The following STIM2 variants were observed in gnomAD, a reference collection of about 807,000 sequenced individuals.
STIM2 encodes the protein stromal interaction molecule 2.
A neutral mutation model predicts 85.8 loss-of-function variants in STIM2; 31 were observed. The ratio of observed to expected loss-of-function variants is 0.36; its 90% CI spans 0.27 to 0.49. The LOEUF is 0.49. Among genes scored for constraint, STIM2 ranks in the 20% least tolerant of loss-of-function variants. The pLI is 0.98. For missense variants in STIM2, 841 were observed against 927.6 expected (o/e 0.91, Z 1.21); for synonymous variants, 356 against 331.1 (o/e 1.08, Z -0.82).
intron 1 of STIM2, among the ~76,000 whole-genome samples, chr4:26,884,864 G>T (rs1347173745): frequency 6.6e-6 from 1 of 152,158 alleles, no homozygotes; most frequent in Non-Finnish European, 1.5e-5. Context: ...GGTTAAACAC[G>T]AGTTCACAGA....
At chr4:26,931,047 A>G (rs73116668) in intron 2 of STIM2, among the ~76,000 whole-genome samples, 2,581 of 152,096 alleles carry the variant, frequency 0.017, 71 homozygotes, top group African/African-American at 0.059. Flanking sequence ...ACCTACTCAT[A>G]TAGCTGTTAG....
chr4:27,004,675 C>T (rs909471742), intron 7 of STIM2, among the ~76,000 whole-genome samples: 1 of 152,074 alleles, frequency 6.6e-6, no homozygotes, highest in African/African-American at 2.4e-5. Flanking sequence ...GGGAGAGAGA[C>T]CATGCACACC....
intron 2 of STIM2, among the ~76,000 whole-genome samples, chr4:26,933,058 A>C (rs377102748): frequency 1.5e-4 from 23 of 152,268 alleles, no homozygotes; most frequent in African/African-American, 5.5e-4. Context: ...ACAGTGGAAA[A>C]CATAAAAGAG....
At chr4:26,889,001 A>C (rs1723362931) in intron 1 of STIM2, among the ~76,000 whole-genome samples, 1 of 152,134 alleles carries the variant, frequency 6.6e-6, no homozygotes, top group Non-Finnish European at 1.5e-5. Flanking sequence ...GGTTCAGTGG[A>C]ATCATTCTAT....
intron 1 of STIM2, among the ~76,000 whole-genome samples, chr4:26,911,471 A>G (rs770896614): frequency 6.6e-6 from 1 of 152,144 alleles, no homozygotes; most frequent in Admixed American, 6.6e-5. Flanking sequence ...AGGAGTTTTC[A>G]CCAAAGGTCC....
chr4:27,000,780 C>G (rs1161689832), intron 5 of STIM2, among the ~76,000 whole-genome samples: 1 of 151,322 alleles, frequency 6.6e-6, no homozygotes, highest in Non-Finnish European at 1.5e-5. Context: ...TTTTAAAAAC[C>G]AGCATTGTCA....
intron 1 of STIM2, among the ~76,000 whole-genome samples, chr4:26,905,294 T>C (rs1361980234): frequency 2.6e-5 from 4 of 152,122 alleles, no homozygotes; most frequent in Non-Finnish European, 5.9e-5. Flanking sequence ...GGTTATGGCT[T>C]TGCTAGCCAA....
intron 3 of STIM2, among the ~76,000 whole-genome samples, chr4:26,992,346 C>T (rs1727797223): frequency 6.6e-6 from 1 of 151,928 alleles, no homozygotes; most frequent in Non-Finnish European, 1.5e-5. Context: ...CTGAAATAAA[C>T]AGTTGTTGAA....
At chr4:26,951,056 G>A (rs533047910) in intron 2 of STIM2, among the ~76,000 whole-genome samples, 4 of 152,028 alleles carry the variant, frequency 2.6e-5, no homozygotes, top group East Asian at 1.9e-4. Flanking sequence ...AAGGGTAAAC[G>A]GATATACCTG....
At chr4:26,982,913 T>C (rs552053519) in intron 3 of STIM2, among the ~76,000 whole-genome samples, 1 of 152,330 alleles carries the variant, frequency 6.6e-6, no homozygotes, top group East Asian at 1.9e-4. Flanking sequence ...GACTCTGTTA[T>C]CTTAATATGT....
chr4:26,975,891 T>G (rs939214630), intron 3 of STIM2, among the ~76,000 whole-genome samples: 2 of 152,190 alleles, frequency 1.3e-5, no homozygotes, highest in African/African-American at 4.8e-5. Context: ...CTTGTTGAGC[T>G]GTGGTGGCTC....
At chr4:26,961,246 T>A (rs1042316360) in intron 3 of STIM2, among the ~76,000 whole-genome samples, 3 of 152,076 alleles carry the variant, frequency 2.0e-5, no homozygotes, top group African/African-American at 7.2e-5. Context: ...CTGGCCAAAT[T>A]GAGCAAAGAT....
In STIM2 at chr4:27,002,951, C is replaced by G. The variant is rs1214829679; in HGVS notation, c.828C>G (p.Asn276Lys). Residue 276 changes from asparagine to lysine, a missense_variant, in exon 7 of 12, where the codon AAC becomes AAG. Around this residue, in one of 3 missense-constraint regions of STIM2, gnomAD observed 408 missense variants for 525.4 expected, o/e 0.78. Transcript: ENST00000467087. Reference sequence around the variant, plus strand: ...GGCTTGAAAAGGCACAGGAAGAAAACAGAAATGTTGCTGTAGAAAAGCAAA... The same window carrying G: ...GGCTTGAAAAGGCACAGGAAGAAAAGAGAAATGTTGCTGTAGAAAAGCAAA... The G allele has an allele frequency of 2.5e-6, 4 of 1,581,234 alleles. No individual in the cohort carries two copies. In the African/African-American group the frequency reaches 5.5e-5, roughly 22 times the overall value.
intron 2 of STIM2, among the ~76,000 whole-genome samples, chr4:26,945,150 T>C (rs564157645): frequency 6.6e-6 from 1 of 152,218 alleles, no homozygotes; most frequent in Non-Finnish European, 1.5e-5. Flanking sequence ...CATGTGTCCA[T>C]GTGTTCTCAT....
chr4:26,890,895 G>T (rs1264454602), intron 1 of STIM2, among the ~76,000 whole-genome samples: 2 of 151,930 alleles, frequency 1.3e-5, no homozygotes, highest in Non-Finnish European at 2.9e-5. Context: ...AGATCCTAAG[G>T]GTCTTCACTC....
rs544802608 is a variant in STIM2, at chr4:26,917,100, C to T, written c.152-2404C>T. 2.4e-3 allele frequency among the ~76,000 whole-genome samples: 369 copies of T among 152,242 alleles called. 2 individuals carry two copies. The highest frequency in any genetic ancestry group is 4.7e-3 in the Non-Finnish European group (317 of 68,006). On this transcript the variant is annotated intron_variant, in intron 1 of 11. Transcript: ENST00000467087. ...GAAGTGGAGAAACATGGTCCCTGCC[C>T]TGTTCATAATCTTAGTTGTGTGGAC...
At position 27,018,020 on chromosome 4, in the gene STIM2, G is replaced by C. The variant is rs759503215; in HGVS notation, c.1763+36G>C. ...TGAATAATCTACAGGGCATGTTGGG[G>C]CTGGGTTGGGGGTAAGGTGTGAGGA... On this transcript the variant is annotated intron_variant, in intron 11 of 11. Transcript: ENST00000467087. The C allele has an allele frequency of 2.4e-5, 38 of 1,606,828 alleles. No individual in the cohort carries two copies. In the South Asian group the frequency reaches 4.0e-4, roughly 17 times the overall value.
chr4:26,920,560 TTATAG>T (rs1312746839), intron 2 of STIM2, among the ~76,000 whole-genome samples: 1 of 152,216 alleles, frequency 6.6e-6, no homozygotes, highest in Admixed American at 6.5e-5. Flanking sequence ...TCAGATTATA[TTATAG>T]TAAATTACAT....
chr4:27,007,264 T>C (rs931630932), intron 7 of STIM2, among the ~76,000 whole-genome samples: 1 of 151,702 alleles, frequency 6.6e-6, no homozygotes, highest in Admixed American at 6.6e-5. Flanking sequence ...CTCTCTACCC[T>C]CCTTCACAAC....
Sources: allele counts gnomAD v4.1 joint callset (sites outside exome capture counted in the v4.1 genomes callset), GRCh38; gene constraint gnomAD v4.1.1; regional missense constraint gnomAD v4.1.1; transcripts MANE v1.5; gene names NCBI Gene and HGNC (gene_info 2026-07-23, HGNC 2026-07-21).